The following FRAS1 variants were observed in gnomAD, a reference collection of about 807,000 sequenced individuals.
FRAS1 encodes Fraser extracellular matrix complex subunit 1.
In FRAS1, 290 loss-of-function variants were observed where a neutral mutation model predicts 435.2. That is an observed-to-expected ratio of 0.67 (90% CI 0.61 to 0.73). The LOEUF (loss-of-function observed/expected upper bound fraction) is 0.73. Among genes scored for constraint, FRAS1 ranks in the 30% least tolerant of loss-of-function variants. The probability of loss-of-function intolerance (pLI) is 0.00; values close to 1 mark genes in which losing one functional copy is unlikely to be tolerated. For missense variants in FRAS1, 4,860 were observed against 5,001.5 expected, an observed-to-expected ratio of 0.97 and a Z score of 0.85; for synonymous variants, 1,800 against 1,851.0, an observed-to-expected ratio of 0.97 and a Z score of 0.71.
chr4:78,368,302 A>G (rs1017204763), intron 22 of FRAS1, among the ~76,000 whole-genome samples: 3 of 115,022 alleles, frequency 2.6e-5, no homozygotes, highest in East Asian at 3.7e-4. Flanking sequence ...TTTTATAACA[A>G]TGTCTTTCTT....
intron 73 of FRAS1, among the ~76,000 whole-genome samples, chr4:78,540,259 G>A (rs1346219320): frequency 6.6e-6 from 1 of 152,124 alleles, no homozygotes; most frequent in Non-Finnish European, 1.5e-5. Flanking sequence ...TAGCTAAAGA[G>A]ACCATGAAAG....
At chr4:78,412,042 G>A (rs1021801511) in intron 31 of FRAS1, among the ~76,000 whole-genome samples, 1 of 152,192 alleles carries the variant, frequency 6.6e-6, no homozygotes, top group Non-Finnish European at 1.5e-5. Context: ...TAGATGATGA[G>A]TGAATTATAG....
chr4:78,298,022 CTCTCTCTCTATA>C (rs1387000955), intron 14 of FRAS1, among the ~76,000 whole-genome samples: 120 of 106,566 alleles, frequency 1.1e-3, no homozygotes, highest in African/African-American at 3.9e-3. Context: ...CTCTCTCTCT[CTCTCTCTCTATA>C]TATATATATA....
chr4:78,488,958 G>C lies in FRAS1; in HGVS notation c.8836G>C (p.Asp2946His). ...GCATGTCCCTATCACTCGGAGCGGA[G>C]ACCTGAGCTATGAGTCATCAGTGAG... ...VLHVPITRSG[D>H]LSYESSVRCY... The change falls in exon 59 of 74, where the codon GAC (aspartate) becomes CAC (histidine). Residue 2946 changes from aspartate (D) to histidine (H), a missense_variant. Asp to His is a moderately conservative substitution (Grantham distance 81). Coordinates refer to ENST00000512123, the MANE Select transcript of FRAS1 (RefSeq NM_025074.7). 6.2e-7 allele frequency: 1 copy of C among 1,613,618 alleles called. No homozygotes were observed. Among genetic ancestry groups the C allele is most frequent in the Non-Finnish European group, 8.5e-7 (1 of 1,179,748 alleles).
intron 13 of FRAS1, 24 bp downstream of exon 13, chr4:78,284,572 A>C (rs931519951): frequency 3.1e-5 from 50 of 1,594,258 alleles, no homozygotes; most frequent in Non-Finnish European, 4.0e-5. Context: ...TGGACAACCC[A>C]GAGGTGGTGG....
intron 37 of FRAS1, among the ~76,000 whole-genome samples, 199 bp downstream of exon 37, chr4:78,430,616 C>G (rs1233306488): frequency 1.3e-5 from 2 of 152,162 alleles, no homozygotes; most frequent in African/African-American, 4.8e-5. Flanking sequence ...CACACCTGCC[C>G]CCGGCCCCAC....
chr4:78,231,024 G>A (rs1724497213), intron 2 of FRAS1, among the ~76,000 whole-genome samples: 1 of 152,000 alleles, frequency 6.6e-6, no homozygotes, highest in African/African-American at 2.4e-5. Context: ...GCACGAACTC[G>A]GCTCACTGCA....
chr4:78,451,020 A>C (rs779717801), intron 45 of FRAS1, among the ~76,000 whole-genome samples: 3 of 147,154 alleles, frequency 2.0e-5, no homozygotes, highest in Non-Finnish European at 4.4e-5. Flanking sequence ...AACACCTAAA[A>C]TTGACAACAG....
In FRAS1 at chr4:78,387,408, A is replaced by G. The variant is rs2110329835; in HGVS notation, c.3682A>G (p.Ile1228Val). The G allele has an allele frequency of 6.2e-7, 1 of 1,613,050 alleles. No homozygotes were observed. Among genetic ancestry groups the G allele is most frequent in the Non-Finnish European group, 8.5e-7 (1 of 1,179,380 alleles). ...PYVLRNEVLH[I>V]SRGERATITT... is the part of the protein sequence containing the mutation. ...TGTGCTGAGAAATGAAGTTCTCCAC[A>G]TTAGCAGAGGAGAGAGGGCAACCAT... Residue 1228 changes from isoleucine to valine, a missense_variant, in exon 29 of 74, where the codon ATT becomes GTT. Coordinates refer to ENST00000512123, the MANE Select transcript of FRAS1 (RefSeq NM_025074.7).
intron 36 of FRAS1, 30 bp downstream of exon 36, chr4:78,429,256 G>A: frequency 3.1e-6 from 5 of 1,589,154 alleles, no homozygotes; most frequent in Middle Eastern, 1.7e-4. Context: ...TAGAAACATG[G>A]CTTTGGAAAT....
chr4:78,302,278 C>T (rs945833725), intron 14 of FRAS1, among the ~76,000 whole-genome samples: 22 of 151,468 alleles, frequency 1.5e-4, no homozygotes, highest in African/African-American at 5.1e-4. Context: ...GGGTTGGTTC[C>T]AAGTCTTTGC....
At chr4:78,214,996 A>C (rs1329933595) in intron 2 of FRAS1, among the ~76,000 whole-genome samples, 1 of 152,134 alleles carries the variant, frequency 6.6e-6, no homozygotes, top group Non-Finnish European at 1.5e-5. Context: ...TAAAGCAGTC[A>C]ATCAGGGGCC....
chr4:78,092,474 G>T (rs1360551267), intron 2 of FRAS1, among the ~76,000 whole-genome samples: 1 of 152,200 alleles, frequency 6.6e-6, no homozygotes, highest in African/African-American at 2.4e-5. Flanking sequence ...CTTGTGCAGA[G>T]AAACTCCTGT....
At chr4:78,356,107 A>T (rs1259033398) in intron 20 of FRAS1, among the ~76,000 whole-genome samples, 1 of 152,106 alleles carries the variant, frequency 6.6e-6, no homozygotes, top group African/African-American at 2.4e-5. Flanking sequence ...CCACCTCTTA[A>T]TTATGTTTAG....
chr4:78,163,993 A>G (rs1266815444), intron 2 of FRAS1, among the ~76,000 whole-genome samples: 1 of 152,180 alleles, frequency 6.6e-6, no homozygotes, highest in East Asian at 1.9e-4. Flanking sequence ...ACTGGCCCTG[A>G]TAGTGAGGAT....
At chr4:78,311,570 T>C (rs345524) in intron 15 of FRAS1, among the ~76,000 whole-genome samples, 9,929 of 152,220 alleles carry the variant, frequency 0.065, 1,064 homozygotes, top group African/African-American at 0.23. Flanking sequence ...AGAGGGAGTT[T>C]CCTGGGATTT....
At chr4:78,175,767 G>A (rs1721744657) in intron 2 of FRAS1, among the ~76,000 whole-genome samples, 2 of 152,126 alleles carry the variant, frequency 1.3e-5, no homozygotes, top group African/African-American at 4.8e-5. Context: ...GAGGCAGGAA[G>A]GAAATGGCCA....
intron 50 of FRAS1, among the ~76,000 whole-genome samples, chr4:78,469,635 G>GT (rs55741307): frequency 0.38 from 56,984 of 151,372 alleles, 11,322 homozygotes; most frequent in African/African-American, 0.5. Flanking sequence ...GTACTGTTTG[G>GT]TTTTTTTTTC....
Position 78,337,675 on chromosome 4 carries a change from G to C in FRAS1, c.2280G>C (p.Glu760Asp). Residue 760 changes from glutamate (E) to aspartate (D), a missense_variant and splice_region_variant, in exon 20 of 74, where the codon GAG becomes GAC. By Grantham distance (45) the Glu-to-Asp change is conservative. Transcript: ENST00000512123. ...TCCTGGTTTTCGTCCCCCTGCCAGA[G>C]TGTCACCCAACCTGCAGGCAGTGTC... ...GYFHQEGSCT[E>D]CHPTCRQCHG... is the part of the protein sequence containing the mutation. 2 of 1,611,962 alleles carry C rather than the reference G, an allele frequency of 1.2e-6. No homozygotes were observed. The highest frequency in any genetic ancestry group is 1.3e-5 in the African/African-American group (1 of 75,024).
Sources: gnomAD v4.1 joint callset for allele counts (sites outside exome capture counted in the v4.1 genomes callset) on GRCh38, gnomAD v4.1.1 for gene constraint, MANE v1.5 for transcripts, NCBI Gene and HGNC (gene_info 2026-07-23, HGNC 2026-07-21) for gene names.